AGBL1: variants seen among roughly 807,000 people sequenced by gnomAD.
AGBL1 encodes AGBL carboxypeptidase 1.
Under a neutral mutation model 118.9 loss-of-function variants are expected in AGBL1, and 130 were observed. The ratio of observed to expected loss-of-function variants is 1.09; its 90% CI spans 0.95 to 1.26. AGBL1 has a LOEUF of 1.26. Ranked by LOEUF, AGBL1 falls within the 50% of genes most tolerant of loss-of-function variation. AGBL1 has a pLI of 0.00. For synonymous variants in AGBL1, 555 were observed against 478.9 expected, an observed-to-expected ratio of 1.16 and a Z score of -2.08; for missense variants, 1,584 against 1,298.1, an observed-to-expected ratio of 1.22 and a Z score of -3.38.
intron 22 of AGBL1, among the ~76,000 whole-genome samples, chr15:86,711,952 T>C (rs1261117182): frequency 6.6e-6 from 1 of 152,158 alleles, no homozygotes; most frequent in East Asian, 1.9e-4. Flanking sequence ...TTTGCTCTCT[T>C]AACAGCCTTT....
At chr15:86,835,102 T>C (rs2079153138) in intron 22 of AGBL1, among the ~76,000 whole-genome samples, 1 of 152,150 alleles carries the variant, frequency 6.6e-6, no homozygotes, top group African/African-American at 2.4e-5. Flanking sequence ...GTATTACATT[T>C]AAGGGTTAAC....
intron 6 of AGBL1, among the ~76,000 whole-genome samples, chr15:86,235,262 C>G (rs1467461537): frequency 1.3e-5 from 2 of 152,094 alleles, no homozygotes; most frequent in East Asian, 3.9e-4. Context: ...GCTATTGACT[C>G]TAATGTGTTT....
In AGBL1 at chr15:86,822,498, G is replaced by A. The variant is rs556812238; in HGVS notation, c.3159-84589G>A. Among the ~76,000 whole-genome samples, 13 of 152,146 alleles carry A rather than the reference G, an allele frequency of 8.5e-5. 1 individual carries two copies. In the South Asian group the frequency reaches 2.5e-3, roughly 29 times the overall value. ...CTTCACCTGTGCATAATTGGGATGAGGTGAAGGTGGAACGCAGAGCATGGG... is the reference window on the plus strand; with the variant it reads ...CTTCACCTGTGCATAATTGGGATGAAGTGAAGGTGGAACGCAGAGCATGGG... On this transcript the variant is annotated intron_variant, in intron 22 of 22. Coordinates refer to ENST00000614907, the MANE Select transcript of AGBL1 (RefSeq NM_001386094.1).
intron 5 of AGBL1, among the ~76,000 whole-genome samples, chr15:86,163,539 C>A: frequency 6.6e-6 from 1 of 152,040 alleles, no homozygotes; most frequent in East Asian, 1.9e-4. Flanking sequence ...ACCAGCCTGG[C>A]CAACGTGATG....
intron 17 of AGBL1, among the ~76,000 whole-genome samples, chr15:86,318,695 GA>G (rs1162787426): frequency 4.2e-5 from 5 of 119,120 alleles, no homozygotes; most frequent in African/African-American, 1.6e-4. Flanking sequence ...GTTGATCATA[GA>G]TTTTTTTTTT....
intron 3 of AGBL1, among the ~76,000 whole-genome samples, chr15:86,144,514 G>C (rs1243001132): frequency 6.6e-6 from 1 of 152,158 alleles, no homozygotes. Context: ...CCTTTGCAGG[G>C]ACATGGGTGG....
intron 24 of AGBL1, among the ~76,000 whole-genome samples, chr15:87,008,233 A>G (rs1416477663): frequency 6.6e-6 from 1 of 152,114 alleles, no homozygotes; most frequent in East Asian, 1.9e-4. Context: ...TAGAATTCCC[A>G]TGTGTTGTGG....
intron 21 of AGBL1, among the ~76,000 whole-genome samples, chr15:86,564,715 T>C (rs1026698238): frequency 3.9e-5 from 6 of 152,182 alleles, no homozygotes; most frequent in Admixed American, 2.0e-4. Context: ...GGATAATATC[T>C]TGCAGAGTGT....
intron 22 of AGBL1, among the ~76,000 whole-genome samples, chr15:86,751,787 C>G (rs2077857146): frequency 6.6e-6 from 1 of 152,068 alleles, no homozygotes; most frequent in African/African-American, 2.4e-5. Context: ...TCTTAAGATG[C>G]TACCTTAAGA....
At chr15:86,382,438 CCA>C (rs1406498943) in intron 17 of AGBL1, among the ~76,000 whole-genome samples, 1 of 152,154 alleles carries the variant, frequency 6.6e-6, no homozygotes, top group Admixed American at 6.5e-5. Flanking sequence ...TCTGTTGATT[CCA>C]CACATCCTAG....
chr15:86,180,952 T>C (rs909395378), intron 5 of AGBL1, among the ~76,000 whole-genome samples: 3 of 152,076 alleles, frequency 2.0e-5, no homozygotes, highest in Non-Finnish European at 4.4e-5. Context: ...GAAATTCATA[T>C]TAAAACTGTA....
intron 17 of AGBL1, among the ~76,000 whole-genome samples, chr15:86,352,522 G>C (rs1555470850): frequency 6.6e-6 from 1 of 150,882 alleles, no homozygotes; most frequent in Non-Finnish European, 1.5e-5. Flanking sequence ...TGTTGTCCAA[G>C]CTGGAGCGCA....
At chr15:86,748,771 T>C (rs2077799311) in intron 22 of AGBL1, among the ~76,000 whole-genome samples, 1 of 152,058 alleles carries the variant, frequency 6.6e-6, no homozygotes, top group Non-Finnish European at 1.5e-5. Context: ...TAGGGAATCC[T>C]TTCCCCATAT....
intron 18 of AGBL1, among the ~76,000 whole-genome samples, chr15:86,426,940 A>T (rs1439361194): frequency 6.6e-6 from 1 of 151,988 alleles, no homozygotes; most frequent in Non-Finnish European, 1.5e-5. Flanking sequence ...TAATTTTTGT[A>T]CTTTTAGTAG....
chr15:86,102,823 A>T (rs1896816373), intron 1 of AGBL1, among the ~76,000 whole-genome samples: 1 of 152,226 alleles, frequency 6.6e-6, no homozygotes, highest in Middle Eastern at 3.2e-3. Flanking sequence ...CTGGATGTCT[A>T]AAACTCTAAC....
intron 22 of AGBL1, among the ~76,000 whole-genome samples, chr15:86,903,020 A>G (rs1019488253): frequency 1.3e-5 from 2 of 152,140 alleles, no homozygotes; most frequent in Non-Finnish European, 2.9e-5. Flanking sequence ...TTTTGGGACA[A>G]TGGTGAAATG....
chr15:86,263,004 C>A, intron 10 of AGBL1, 110 bp downstream of exon 10: 1 of 776,376 alleles, frequency 1.3e-6, no homozygotes, highest in Non-Finnish European at 2.2e-6. Flanking sequence ...CATCATTAGC[C>A]ATATGCTTCT....
intron 22 of AGBL1, among the ~76,000 whole-genome samples, chr15:86,878,685 A>G (rs1392758139): frequency 6.6e-6 from 1 of 152,018 alleles, no homozygotes; most frequent in African/African-American, 2.4e-5. Flanking sequence ...GACTTCCTTA[A>G]GGCTCTGTTT....
chr15:86,653,308 G>C (rs2085408128), intron 21 of AGBL1, among the ~76,000 whole-genome samples: 1 of 152,082 alleles, frequency 6.6e-6, no homozygotes, highest in Non-Finnish European at 1.5e-5. Context: ...GTGTCCTTCA[G>C]TGCCTGCTCC....
Sources: gnomAD v4.1 joint callset for allele counts (sites outside exome capture counted in the v4.1 genomes callset) on GRCh38, gnomAD v4.1.1 for gene constraint, MANE v1.5 for transcripts, NCBI Gene and HGNC (gene_info 2026-07-23, HGNC 2026-07-21) for gene names.